Variants in NRG1 observed in about 807,000 individuals in gnomAD.
NRG1 encodes the protein neuregulin 1.
NRG1 carries 18 observed loss-of-function variants against 63.8 expected under a neutral mutation model. The observed-to-expected ratio is 0.28, with a 90% CI of 0.19 to 0.42. The LOEUF (loss-of-function observed/expected upper bound fraction) is 0.42, where lower values mean the gene tolerates loss of function less well. Ranked by LOEUF, NRG1 falls within the 10% of genes least tolerant of loss-of-function variation. The pLI, the probability that NRG1 is intolerant of heterozygous loss-of-function variation, is 1.00. For missense variants in NRG1, 762 were observed against 814.7 expected, an observed-to-expected ratio of 0.94 and a Z score of 0.79; for synonymous variants, 302 against 301.3, an observed-to-expected ratio of 1.00 and a Z score of -0.02.
At chr8:31,933,667 A>G (rs1039774085) in intron 1 of NRG1, among the ~76,000 whole-genome samples, 2 of 152,236 alleles carry the variant, frequency 1.3e-5, no homozygotes, top group African/African-American at 2.4e-5. Context: ...TCTAGGAACT[A>G]AGATTCAGAA....
chr8:31,978,084 T>C (rs1240375463), intron 1 of NRG1, among the ~76,000 whole-genome samples: 1 of 152,112 alleles, frequency 6.6e-6, no homozygotes, highest in Non-Finnish European at 1.5e-5. Flanking sequence ...TCCTAATGAA[T>C]TCCTGGTTGA....
intron 1 of NRG1, among the ~76,000 whole-genome samples, chr8:31,920,985 A>C (rs1833865338): frequency 6.6e-6 from 1 of 152,162 alleles, no homozygotes; most frequent in Non-Finnish European, 1.5e-5. Context: ...CTATTGTACT[A>C]TCTATGCTTT....
At chr8:32,738,445 C>CAT (rs1825633262) in intron 6 of NRG1, among the ~76,000 whole-genome samples, 1 of 151,694 alleles carries the variant, frequency 6.6e-6, no homozygotes, top group Non-Finnish European at 1.5e-5. Flanking sequence ...CACACACACA[C>CAT]ATATGTATAT....
In NRG1 at chr8:31,676,392, A is replaced by G. The variant is rs569656115; in HGVS notation, c.37+36961A>G. ...TCCTTCCTTTCTTCTTTAATCCTTG[A>G]CAACTTTCTTCCCCAAGATTTCCTC... On this transcript the variant is annotated intron_variant, in intron 1 of 10. Coordinates refer to the NRG1 transcript ENST00000519301. Among the ~76,000 whole-genome samples the G allele has an allele frequency of 1.2e-4, 19 of 152,214 alleles. 1 individual carries two copies. The highest frequency in any genetic ancestry group is 2.4e-5 in the African/African-American group (1 of 41,526).
At chr8:31,812,052 T>G (rs1192168144) in intron 1 of NRG1, among the ~76,000 whole-genome samples, 2 of 152,204 alleles carry the variant, frequency 1.3e-5, no homozygotes, top group East Asian at 3.9e-4. Flanking sequence ...GAGTATCAGA[T>G]AGACCCCATA....
At chr8:32,716,637 C>T (rs981824912) in intron 5 of NRG1, among the ~76,000 whole-genome samples, 5 of 152,086 alleles carry the variant, frequency 3.3e-5, no homozygotes, top group African/African-American at 4.8e-5. Context: ...TTGTGTCTGA[C>T]GATGCAGGAA....
At chr8:31,697,514 G>A (rs1281957239) in intron 1 of NRG1, among the ~76,000 whole-genome samples, 2 of 152,130 alleles carry the variant, frequency 1.3e-5, no homozygotes. Flanking sequence ...CCAACTCCCA[G>A]CTGTCTTGAA....
chr8:32,673,394 G>A (rs1439635938), intron 5 of NRG1, among the ~76,000 whole-genome samples: 1 of 152,094 alleles, frequency 6.6e-6, no homozygotes, highest in Non-Finnish European at 1.5e-5. Flanking sequence ...AAGCCTTTCT[G>A]TTTATCTATA....
chr8:32,182,753 G>A (rs1841567175), intron 1 of NRG1, among the ~76,000 whole-genome samples: 1 of 151,830 alleles, frequency 6.6e-6, no homozygotes, highest in South Asian at 2.1e-4. Flanking sequence ...ACAAAACAGT[G>A]TTAATACCAG....
At position 32,366,677 on chromosome 8, in the gene NRG1, G is replaced by GTGTGTATA. The variant is rs1164696498; in HGVS notation, c.38-229150_38-229149insGTGTATAT. ...ATTGTGTGTGTGTGTGTGTGTGTGT[G>GTGTGTATA]TATATATATATATATATATATATAT... On this transcript the variant is annotated intron_variant, in intron 1 of 10. Transcript: ENST00000519301. Among the ~76,000 whole-genome samples the GTGTGTATA allele has an allele frequency of 5.4e-3, 473 of 87,202 alleles. 1 individual carries two copies. Among genetic ancestry groups the GTGTGTATA allele is most frequent in the Non-Finnish European group, 8.1e-3 (362 of 44,588 alleles). The allele number at this position is 87,202 out of a possible 152,430, so 57.2% of individuals were successfully genotyped here.
intron 1 of NRG1, among the ~76,000 whole-genome samples, chr8:32,328,975 A>G (rs1048094365): frequency 1.3e-5 from 2 of 151,876 alleles, no homozygotes; most frequent in African/African-American, 2.4e-5. Flanking sequence ...ACACATTATT[A>G]TTATTATAAT....
chr8:32,569,791 A>G lies in NRG1; in HGVS notation c.100+20965A>G, dbSNP rs1563670758. On this transcript the variant is annotated intron_variant, in intron 1 of 11. Transcript: ENST00000356819. ...TAAAACAATCATACACAAGTAAAACATTTACCTTGGGGGTGGGCATCAGTT... is the reference window on the plus strand; with the variant it reads ...TAAAACAATCATACACAAGTAAAACGTTTACCTTGGGGGTGGGCATCAGTT... Among the ~76,000 whole-genome samples the G allele has an allele frequency of 2.0e-5, 3 of 151,646 alleles. 1 individual carries two copies. In the South Asian group the frequency reaches 6.2e-4, roughly 31 times the overall value.
chr8:31,672,764 G>A (rs1807284022), intron 1 of NRG1, among the ~76,000 whole-genome samples: 2 of 152,056 alleles, frequency 1.3e-5, no homozygotes, highest in South Asian at 2.1e-4. Flanking sequence ...CTATTATGAT[G>A]ACTCATTTAG....
chr8:31,714,445 T>C, intron 1 of NRG1, among the ~76,000 whole-genome samples: 1 of 152,162 alleles, frequency 6.6e-6, no homozygotes. Flanking sequence ...TTACTTTTTT[T>C]CCTCCATTTT....
At chr8:31,838,441 G>T (rs1425717645) in intron 1 of NRG1, among the ~76,000 whole-genome samples, 1 of 151,908 alleles carries the variant, frequency 6.6e-6, no homozygotes, top group South Asian at 2.1e-4. Flanking sequence ...TTTATATTTT[G>T]TATGAAATTT....
intron 5 of NRG1, among the ~76,000 whole-genome samples, chr8:32,715,202 G>A (rs116143122): frequency 0.011 from 1,598 of 152,122 alleles, 33 homozygotes; most frequent in African/African-American, 0.037. Flanking sequence ...CCATCCACCC[G>A]CCTCAGCCTC....
intron 1 of NRG1, among the ~76,000 whole-genome samples, chr8:31,894,637 G>A (rs1259484268): frequency 6.9e-6 from 1 of 145,824 alleles, no homozygotes; most frequent in Non-Finnish European, 1.5e-5. Context: ...TGCGAGCTCC[G>A]CCTCCCGGGT....
At chr8:32,419,320 G>A (rs1816367894) in intron 1 of NRG1, among the ~76,000 whole-genome samples, 1 of 152,184 alleles carries the variant, frequency 6.6e-6, no homozygotes. Context: ...TTTGCAGTAG[G>A]CGTTGGAACA....
chr8:32,250,100 G>C (rs1472258769), intron 1 of NRG1, among the ~76,000 whole-genome samples: 1 of 152,048 alleles, frequency 6.6e-6, no homozygotes, highest in Non-Finnish European at 1.5e-5. Flanking sequence ...CAGGGCTCAG[G>C]TAAGATTGAA....
Sources: allele counts gnomAD v4.1 joint callset (sites outside exome capture counted in the v4.1 genomes callset), GRCh38; gene constraint gnomAD v4.1.1; transcripts MANE v1.5; gene names NCBI Gene and HGNC (gene_info 2026-07-23, HGNC 2026-07-21).